C1QTNF3: variants seen among roughly 807,000 people sequenced by gnomAD.
C1QTNF3 encodes the protein complement C1q tumor necrosis factor-related protein 3.
A neutral mutation model predicts 32.6 loss-of-function variants in C1QTNF3; 26 were observed. That is an observed-to-expected ratio of 0.80 (90% CI 0.58 to 1.11). The LOEUF is 1.11. Among genes scored for constraint, C1QTNF3 ranks in the 50% least tolerant of loss-of-function variants. The pLI is 0.00. For missense variants in C1QTNF3, 362 were observed against 398.2 expected (o/e 0.91, Z 0.77); for synonymous variants, 155 against 146.0 (o/e 1.06, Z -0.44).
the C1QTNF3 span, among the ~76,000 whole-genome samples, chr5:34,178,410 G>A: frequency 7.2e-5 from 11 of 152,332 alleles, no homozygotes; most frequent in East Asian, 2.1e-3. Flanking sequence ...ATTTAAGGGT[G>A]CAAACAGAAC....
At chr5:34,163,724 A>G in the C1QTNF3 span, among the ~76,000 whole-genome samples, 2 of 152,134 alleles carry the variant, frequency 1.3e-5, no homozygotes, top group African/African-American at 2.4e-5. Flanking sequence ...ATTAAAAATA[A>G]CAATAATTAT....
At chr5:34,053,923 T>C in the C1QTNF3 span, among the ~76,000 whole-genome samples, 1 of 152,212 alleles carries the variant, frequency 6.6e-6, no homozygotes, top group African/African-American at 2.4e-5. Flanking sequence ...AAGTTTTTGC[T>C]GGCTAGATTA....
the C1QTNF3 span, among the ~76,000 whole-genome samples, chr5:34,207,137 G>A: frequency 2.6e-5 from 4 of 151,932 alleles, no homozygotes; most frequent in Admixed American, 6.6e-5. Context: ...AAATCTGTGA[G>A]GCTAATGAGA....
intron 3 of C1QTNF3, 119 bp from the exon 4 acceptor site, chr5:34,029,002 T>C (rs1241672767): frequency 4.0e-6 from 3 of 752,010 alleles, no homozygotes; most frequent in Non-Finnish European, 6.1e-6. Context: ...AACATCAATC[T>C]ATGGAGAGAG....
chr5:34,141,523 C>G, the C1QTNF3 span, among the ~76,000 whole-genome samples: 2 of 152,094 alleles, frequency 1.3e-5, no homozygotes, highest in Admixed American at 6.5e-5. Context: ...ACATCTTTGC[C>G]AACGCTTGTG....
At chr5:34,108,697 T>A in the C1QTNF3 span, among the ~76,000 whole-genome samples, 1 of 150,476 alleles carries the variant, frequency 6.6e-6, no homozygotes, top group Admixed American at 6.7e-5. Context: ...TTTGGCTACC[T>A]CAAATTTGTA....
intron 5 of C1QTNF3, 139 bp from the exon 6 acceptor site, chr5:34,020,881 T>A (rs1054891978): frequency 1.4e-5 from 12 of 828,768 alleles, no homozygotes; most frequent in Non-Finnish European, 2.1e-5. Context: ...TGAGCAGAAA[T>A]GACCTATGTA....
the C1QTNF3 span, among the ~76,000 whole-genome samples, chr5:34,226,525 T>C: frequency 1.3e-5 from 2 of 151,494 alleles, no homozygotes. Context: ...GATCTAGAGG[T>C]CTATCAATAT....
chr5:34,175,169 A>G, the C1QTNF3 span, among the ~76,000 whole-genome samples: 101 of 150,470 alleles, frequency 6.7e-4, 1 homozygote, highest in East Asian at 0.012. Context: ...TCAGCCTCCC[A>G]AGCAGCTAGG....
chr5:34,180,327 G>A, the C1QTNF3 span, among the ~76,000 whole-genome samples: 1 of 152,308 alleles, frequency 6.6e-6, no homozygotes, highest in Non-Finnish European at 1.5e-5. Context: ...CTGGGAGACA[G>A]AGCAAGACTC....
At chr5:34,133,685 G>C in the C1QTNF3 span, among the ~76,000 whole-genome samples, 3 of 152,178 alleles carry the variant, frequency 2.0e-5, no homozygotes, top group Admixed American at 6.6e-5. Context: ...TCAAAGCAAT[G>C]TGGAAATCAA....
chr5:34,224,374 A>G, the C1QTNF3 span, among the ~76,000 whole-genome samples: 3 of 152,228 alleles, frequency 2.0e-5, no homozygotes, highest in Non-Finnish European at 4.4e-5. Flanking sequence ...ACAAAGCTGG[A>G]GGCATCACGC....
chr5:34,027,222 A>C (rs973290469), intron 4 of C1QTNF3, among the ~76,000 whole-genome samples: 1 of 152,248 alleles, frequency 6.6e-6, no homozygotes, highest in Non-Finnish European at 1.5e-5. Flanking sequence ...GAAACTTGAA[A>C]GCACATTTTG....
chr5:34,168,282 T>TGC, the C1QTNF3 span: 1 of 141,196 alleles, frequency 7.1e-6, no homozygotes, highest in Admixed American at 6.8e-5. Context: ...TGTGTGTGCA[T>TGC]GCGTGTGTGT....
intron 2 of C1QTNF3, among the ~76,000 whole-genome samples, chr5:34,034,701 A>T (rs1754694287): frequency 6.6e-6 from 1 of 152,208 alleles, no homozygotes; most frequent in Admixed American, 6.5e-5. Context: ...TCTTTTGTGT[A>T]ACCTCACAAG....
chr5:34,130,240 C>T, the C1QTNF3 span, among the ~76,000 whole-genome samples: 1 of 151,878 alleles, frequency 6.6e-6, no homozygotes, highest in South Asian at 2.1e-4. Flanking sequence ...TGACAACTTA[C>T]AAATTTAAAT....
At chr5:34,071,658 T>C in the C1QTNF3 span, among the ~76,000 whole-genome samples, 1 of 152,294 alleles carries the variant, frequency 6.6e-6, no homozygotes, top group Non-Finnish European at 1.5e-5. Context: ...AGAACAAGTT[T>C]TACCATCCTC....
the C1QTNF3 span, among the ~76,000 whole-genome samples, chr5:34,194,154 G>A: frequency 6.6e-6 from 1 of 152,108 alleles, no homozygotes; most frequent in African/African-American, 2.4e-5. Flanking sequence ...AACTATTACT[G>A]CTGTTACTCC....
chr5:34,202,051 T>C, the C1QTNF3 span, among the ~76,000 whole-genome samples: 9 of 152,190 alleles, frequency 5.9e-5, no homozygotes, highest in African/African-American at 1.7e-4. Context: ...GAATCAACAA[T>C]AGCAAGACAG....
Sources: allele counts gnomAD v4.1 joint callset (sites outside exome capture counted in the v4.1 genomes callset), GRCh38; gene constraint gnomAD v4.1.1; transcripts MANE v1.5; gene names NCBI Gene and HGNC (gene_info 2026-07-23, HGNC 2026-07-21).